SPPL3: variants seen among roughly 807,000 people sequenced by gnomAD.
The protein encoded by SPPL3 is signal peptide peptidase-like 3.
Under a neutral mutation model 42.4 loss-of-function variants are expected in SPPL3, and 5 were observed. The ratio of observed to expected loss-of-function variants is 0.12; its 90% CI spans 0.06 to 0.25. SPPL3 has a LOEUF of 0.25. SPPL3 is among the 10% of genes least tolerant of loss of function. SPPL3 has a pLI of 1.00. For synonymous variants in SPPL3, 195 were observed against 181.8 expected (o/e 1.07, Z -0.58); for missense variants, 235 against 489.0 (o/e 0.48, Z 4.90).
intron 1 of SPPL3, among the ~76,000 whole-genome samples, chr12:120,877,675 G>A (rs1381256387): frequency 6.6e-6 from 1 of 151,996 alleles, no homozygotes; most frequent in Non-Finnish European, 1.5e-5. Flanking sequence ...CAGCTACTCG[G>A]GGGGCTGAGG....
In SPPL3 at chr12:120,768,314, T is replaced by C. The variant is rs1412530408; in HGVS notation, c.773+11A>G. The C allele has an allele frequency of 1.9e-6, 3 of 1,609,706 alleles. No individual in the cohort carries two copies. The highest frequency in any genetic ancestry group is 2.5e-6 in the Non-Finnish European group (3 of 1,177,310). ...AAGACAGTGTGGTCCTGTCATAGCA[T>C]GAGGTCTTACCTTGGGAAGACCAGT... On this transcript the variant is annotated intron_variant, in intron 8 of 10. Coordinates refer to ENST00000353487, the MANE Select transcript of SPPL3 (RefSeq NM_139015.5).
intron 1 of SPPL3, among the ~76,000 whole-genome samples, chr12:120,811,688 T>G (rs1478953473): frequency 6.6e-6 from 1 of 152,184 alleles, no homozygotes; most frequent in Non-Finnish European, 1.5e-5. Context: ...GCAGGCTTTT[T>G]GTTGTTGTTG....
At chr12:120,813,315 C>G (rs1870747712) in intron 1 of SPPL3, among the ~76,000 whole-genome samples, 1 of 147,364 alleles carries the variant, frequency 6.8e-6, no homozygotes, top group African/African-American at 2.6e-5. Context: ...TTTGGATCCT[C>G]AGCTTTTTTT....
chr12:120,766,240 A>G, intron 10 of SPPL3, 23 bp downstream of exon 10: 1 of 1,539,862 alleles, frequency 6.5e-7, no homozygotes, highest in Non-Finnish European at 8.8e-7. Context: ...TTGCTTTCAC[A>G]GGTTTATAAC....
chr12:120,784,498 C>G lies in SPPL3; in HGVS notation c.286G>C (p.Val96Leu). The change falls in exon 4 of 11, where the codon GTA (valine) becomes CTA (leucine). Residue 96 changes from valine (V) to leucine (L), a missense_variant. Physicochemically the swap from Val to Leu is conservative, Grantham distance 32. Transcript: ENST00000353487. ...CCTGCTGTACATATTGTAAAAACTACTTGAACTGAGTCAAAGAAGAAGAAC... is the reference window on the plus strand; with the variant it reads ...CCTGCTGTACATATTGTAAAAACTAGTTGAACTGAGTCAAAGAAGAAGAAC... The part of the protein sequence containing the change: ...VMFFFFDSVQ[V>L]VFTICTAVLA... The G allele has an allele frequency of 6.2e-7, 1 of 1,612,042 alleles. No homozygotes were observed. The highest frequency in any genetic ancestry group is 8.5e-7 in the Non-Finnish European group (1 of 1,178,840).
chr12:120,819,857 C>T (rs1870998285), intron 1 of SPPL3, among the ~76,000 whole-genome samples: 1 of 152,142 alleles, frequency 6.6e-6, no homozygotes, highest in Non-Finnish European at 1.5e-5. Flanking sequence ...TGATGGAGAA[C>T]ACCATGATTA....
intron 1 of SPPL3, among the ~76,000 whole-genome samples, chr12:120,838,562 ACT>A (rs769846419): frequency 6.6e-6 from 1 of 152,184 alleles, no homozygotes; most frequent in Non-Finnish European, 1.5e-5. Flanking sequence ...TTTTTCAGCT[ACT>A]CTATTGGAAA....
chr12:120,862,670 C>G (rs1872645995), intron 1 of SPPL3, among the ~76,000 whole-genome samples: 1 of 152,116 alleles, frequency 6.6e-6, no homozygotes, highest in African/African-American at 2.4e-5. Context: ...GCACTGTCCT[C>G]CCAGCACCAG....
chr12:120,822,728 A>G (rs1334658099), intron 1 of SPPL3, among the ~76,000 whole-genome samples: 3 of 152,252 alleles, frequency 2.0e-5, no homozygotes, highest in East Asian at 3.9e-4. Flanking sequence ...CAAATCTCCA[A>G]TGACCCTGGG....
At chr12:120,863,461 C>T (rs563115484) in intron 1 of SPPL3, among the ~76,000 whole-genome samples, 3 of 152,204 alleles carry the variant, frequency 2.0e-5, no homozygotes, top group East Asian at 1.9e-4. Context: ...CTGGCTTAAT[C>T]GAAGTCAGCA....
At chr12:120,838,814 T>C (rs1228208344) in intron 1 of SPPL3, among the ~76,000 whole-genome samples, 1 of 152,094 alleles carries the variant, frequency 6.6e-6, no homozygotes, top group Admixed American at 6.5e-5. Context: ...TGAGATATCA[T>C]CTCACACCAG....
intron 3 of SPPL3, among the ~76,000 whole-genome samples, chr12:120,789,569 A>AAT (rs1869843275): frequency 6.6e-6 from 1 of 151,866 alleles, no homozygotes; most frequent in Non-Finnish European, 1.5e-5. Flanking sequence ...TCATGCCTAT[A>AAT]ATCCCAGCAC....
intron 1 of SPPL3, among the ~76,000 whole-genome samples, chr12:120,881,483 A>AAG (rs1188795541): frequency 1.1e-5 from 1 of 94,874 alleles, no homozygotes. Context: ...AAAAAAAAAA[A>AAG]AGAGAAGAGA....
At chr12:120,832,399 C>T (rs527706488) in intron 1 of SPPL3, among the ~76,000 whole-genome samples, 1 of 152,112 alleles carries the variant, frequency 6.6e-6, no homozygotes, top group Admixed American at 6.5e-5. Flanking sequence ...GGGCCAGGCA[C>T]GGTGGCTCAC....
At chr12:120,897,457 C>T (rs1366731858) in intron 1 of SPPL3, among the ~76,000 whole-genome samples, 2 of 152,198 alleles carry the variant, frequency 1.3e-5, no homozygotes, top group Admixed American at 1.3e-4. Flanking sequence ...GGAGCGGTGG[C>T]TCACACCTGT....
chr12:120,826,016 G>A (rs953939863), intron 1 of SPPL3, among the ~76,000 whole-genome samples: 11 of 151,192 alleles, frequency 7.3e-5, no homozygotes, highest in African/African-American at 1.7e-4. Context: ...GAGTTAGGAC[G>A]GGCGCAGTGG....
At chr12:120,884,545 T>C (rs550493983) in intron 1 of SPPL3, among the ~76,000 whole-genome samples, 2,071 of 93,742 alleles carry the variant, frequency 0.022, 14 homozygotes, top group South Asian at 0.041. Flanking sequence ...ACAACTTGTA[T>C]AATTTAAAAA....
chr12:120,803,758 T>TA (rs955019194), intron 2 of SPPL3, among the ~76,000 whole-genome samples: 23 of 152,096 alleles, frequency 1.5e-4, no homozygotes, highest in South Asian at 1.0e-3. Flanking sequence ...CTTAAATATA[T>TA]AAAAAAACTT....
At chr12:120,832,784 CCAT>C (rs1333162730) in intron 1 of SPPL3, among the ~76,000 whole-genome samples, 1 of 152,136 alleles carries the variant, frequency 6.6e-6, no homozygotes, top group Non-Finnish European at 1.5e-5. Flanking sequence ...GCTCACCATA[CCAT>C]ATAGGAGGCC....
Sources: gnomAD v4.1 joint callset for allele counts (sites outside exome capture counted in the v4.1 genomes callset) on GRCh38, gnomAD v4.1.1 for gene constraint, MANE v1.5 for transcripts, NCBI Gene and HGNC (gene_info 2026-07-23, HGNC 2026-07-21) for gene names.